The following CHAF1A variants were observed in gnomAD, a reference collection of about 807,000 sequenced individuals.
CHAF1A encodes CAF-1 subunit A.
A neutral mutation model predicts 93.2 loss-of-function variants in CHAF1A; 5 were observed. That is an observed-to-expected ratio of 0.05 (90% CI 0.03 to 0.11). CHAF1A has a LOEUF of 0.11. CHAF1A is among the 10% of genes least tolerant of loss of function. The pLI, the probability that CHAF1A is intolerant of heterozygous loss-of-function variation, is 1.00. For missense variants in CHAF1A, 1,102 were observed against 1,259.9 expected, an observed-to-expected ratio of 0.87 and a Z score of 1.90; for synonymous variants, 504 against 510.3, an observed-to-expected ratio of 0.99 and a Z score of 0.17.
At chr19:4,446,383 C>A, downstream of CHAF1A, 1 of 1,576,656 alleles carries the variant, frequency 6.3e-7, no homozygotes, top group Non-Finnish European at 8.6e-7. Flanking sequence ...CCTTGGTCCG[C>A]AGCACGCTCA....
Position 4,429,483 on chromosome 19 carries a change from G to A in CHAF1A, c.1650G>A (p.Glu550=). 1 of 1,614,074 alleles carries A rather than the reference G, an allele frequency of 6.2e-7. No individual in the cohort carries two copies. Among genetic ancestry groups the A allele is most frequent in the Non-Finnish European group, 8.5e-7 (1 of 1,180,014 alleles). Reference sequence around the variant, plus strand: ...GTGGGAAGGGCGACGGTGTTCCCGAGAGGAGGAAGTTTGGCAGGATGAAGC... The same window carrying A: ...GTGGGAAGGGCGACGGTGTTCCCGAAAGGAGGAAGTTTGGCAGGATGAAGC... ...VERGKGDGVP[E]RRKFGRMKLL... Residue 550 remains glutamate (E), a synonymous_variant, in exon 9 of 15, where the codon GAG becomes GAA. Coordinates refer to ENST00000301280, the MANE Select transcript of CHAF1A (RefSeq NM_005483.3).
chr19:4,445,514 A>G, downstream of CHAF1A: 1 of 1,613,894 alleles, frequency 6.2e-7, no homozygotes, highest in South Asian at 1.1e-5. Context: ...GAGCTTCTCG[A>G]TGGCTGACAG....
At chr19:4,430,132 C>T (rs939215215) in intron 10 of CHAF1A, 45 of 358,000 alleles carry the variant, frequency 1.3e-4, no homozygotes, top group South Asian at 8.7e-4. Context: ...TGCCGATGCT[C>T]ACCGTGTCTG....
chr19:4,446,618 C>T (rs151060057), downstream of CHAF1A: 42 of 1,612,406 alleles, frequency 2.6e-5, no homozygotes, highest in East Asian at 2.9e-4. Flanking sequence ...TCCAGCTTGG[C>T]GCGCACGGGC....
In CHAF1A at chr19:4,422,309, C is replaced by T. The variant is rs558052780; in HGVS notation, c.1018-257C>T. On this transcript the variant is annotated intron_variant, in intron 4 of 14. Transcript: ENST00000301280. The surrounding 1 kb of genome is among the most constrained non-coding windows in gnomAD (Gnocchi z 4.6). ...GATTACAGGCGTGAACCACCGCGCG[C>T]AGCCAATTTTTGTATTTTTAGTAGA... Among the ~76,000 whole-genome samples, 19 of 151,154 alleles carry T rather than the reference C, an allele frequency of 1.3e-4. No homozygotes were observed. The highest frequency in any genetic ancestry group is 8.3e-4 in the South Asian group (4 of 4,794).
chr19:4,431,538 G>T (rs1301106374), intron 11 of CHAF1A, among the ~76,000 whole-genome samples: 1 of 152,146 alleles, frequency 6.6e-6, no homozygotes, highest in Non-Finnish European at 1.5e-5. Context: ...GGAGGCCTAG[G>T]CATTCCTTGT....
At chr19:4,405,138 C>A (rs1424870091) in intron 1 of CHAF1A, among the ~76,000 whole-genome samples, 1 of 152,160 alleles carries the variant, frequency 6.6e-6, no homozygotes, top group East Asian at 1.9e-4. Flanking sequence ...CGGTTACTCT[C>A]TTAGTTGGCT....
intron 8 of CHAF1A, 48 bp downstream of exon 8, chr19:4,428,938 C>A: frequency 6.6e-7 from 1 of 1,524,824 alleles, no homozygotes; most frequent in Non-Finnish European, 9.1e-7. Flanking sequence ...ATGCTGGAGG[C>A]CAGCATCCTG....
chr19:4,422,330 G>A lies in CHAF1A; in HGVS notation c.1018-236G>A, dbSNP rs994386039. Among the ~76,000 whole-genome samples the A allele has an allele frequency of 1.3e-5, 2 of 151,750 alleles. No homozygotes were observed. The highest frequency in any genetic ancestry group is 1.3e-4 in the Admixed American group (2 of 15,250). On this transcript the variant is annotated intron_variant, in intron 4 of 14. Transcript: ENST00000301280. The surrounding 1 kb of genome is among the most constrained non-coding windows in gnomAD (Gnocchi z 4.6). ...CGCGCAGCCAATTTTTGTATTTTTA[G>A]TAGAGACAGGGTTTCACCCTGTTGA...
downstream of CHAF1A, chr19:4,446,448 G>A: frequency 1.3e-6 from 2 of 1,581,218 alleles, no homozygotes; most frequent in Non-Finnish European, 1.7e-6. Context: ...GGGCTGGCCG[G>A]GGTTCTTCCA....
intron 7 of CHAF1A, among the ~76,000 whole-genome samples, chr19:4,424,824 G>A (rs1344661719): frequency 2.6e-5 from 4 of 152,122 alleles, no homozygotes; most frequent in East Asian, 3.8e-4. Flanking sequence ...TAGTATAGAC[G>A]GGGTTTTACC....
chr19:4,442,310 CTG>C lies in CHAF1A; in HGVS notation c.2741_2742del (p.Cys914TyrfsTer63). 6.2e-7 allele frequency: 1 copy of C among 1,609,556 alleles called. No individual in the cohort carries two copies. Among genetic ancestry groups the C allele is most frequent in the Non-Finnish European group, 8.5e-7 (1 of 1,177,672 alleles). On this transcript the variant is annotated frameshift_variant, in exon 14 of 15. Coordinates refer to ENST00000301280, the MANE Select transcript of CHAF1A (RefSeq NM_005483.3). LOFTEE classifies it low-confidence loss of function (END_TRUNC). ...AGGAGGAGGAAGAGGAGGAGGGCGA[CTG>C]TATGATCGTGGATGTCCCGGATGCT... ...TEEEEEEEGD[C>X]MIVDVPDAAE...
chr19:4,424,854 T>C (rs1374620971), intron 7 of CHAF1A, among the ~76,000 whole-genome samples: 1 of 152,212 alleles, frequency 6.6e-6, no homozygotes, highest in Admixed American at 6.5e-5. Context: ...AGGCTGGTCT[T>C]GAACTCCTGA....
Position 4,423,943 on chromosome 19 carries a change from G to A in CHAF1A, c.1377+69G>A, listed in dbSNP as rs565939773. On this transcript the variant is annotated intron_variant, in intron 7 of 14. Coordinates refer to ENST00000301280, the MANE Select transcript of CHAF1A (RefSeq NM_005483.3). ...GACTTTTCCTTTCTGAAAGTGAAAG[G>A]GTCTCTCCCCAGCCAGCTTCTCTCA... 2.6e-4 allele frequency: 374 copies of A among 1,444,526 alleles called. 3 individuals carry two copies. The African/African-American group carries it at 4.5e-3, about 17-fold the overall frequency. The allele number at this position is 1,444,526 out of a possible 1,614,324, so 89.5% of individuals were successfully genotyped here.
At chr19:4,403,418 C>A (rs1973623052) in intron 1 of CHAF1A, among the ~76,000 whole-genome samples, 1 of 152,200 alleles carries the variant, frequency 6.6e-6, no homozygotes, top group African/African-American at 2.4e-5. Context: ...GGAGGGTGAA[C>A]CAAGGAAGAC....
Position 4,409,432 on chromosome 19 carries a change from G to C in CHAF1A, c.633G>C (p.Thr211=). Residue 211 remains threonine (T), a synonymous_variant, in exon 3 of 15, where the codon ACG becomes ACC. Transcript: ENST00000301280. ...ECSPRSCPEL[T]SGPRMCPRKE... is the part of the protein sequence containing the mutation. The stretch of plus-strand genomic sequence containing the variant: ...CGCCACGGAGCTGCCCGGAGCTGAC[G>C]AGTGGCCCGAGAATGTGCCCCAGAA... 1 of 1,614,114 alleles carries C rather than the reference G, an allele frequency of 6.2e-7. No homozygotes were observed. Among genetic ancestry groups the C allele is most frequent in the Non-Finnish European group, 8.5e-7 (1 of 1,180,012 alleles).
chr19:4,416,805 C>T (rs1006998635), intron 3 of CHAF1A, among the ~76,000 whole-genome samples: 14 of 152,090 alleles, frequency 9.2e-5, no homozygotes, highest in Admixed American at 2.0e-4. Flanking sequence ...GCAGGAGAAT[C>T]GCTTGAACTT....
chr19:4,443,212 T>A lies in CHAF1A; in HGVS notation c.*187T>A. 1.6e-6 allele frequency: 1 copy of A among 612,716 alleles called. No individual in the cohort carries two copies. The highest frequency in any genetic ancestry group is 3.0e-6 in the Non-Finnish European group (1 of 334,782). 38.0% of individuals were successfully genotyped at this position (612,716 alleles called of 1,614,324 possible). On this transcript the variant is annotated 3_prime_UTR_variant, in exon 15 of 15. Coordinates refer to ENST00000301280, the MANE Select transcript of CHAF1A (RefSeq NM_005483.3). ...TGTAAAAATTCCCCCAAGAGCCGCA[T>A]ATGAATCTGCCCTTTAATAAAGCAT...
At position 4,422,148 on chromosome 19, in the gene CHAF1A, T is replaced by C. The variant is rs1331821188; in HGVS notation, c.1018-418T>C. ...CCTCAGCCTCCCCAGTAGCTGGGAT[T>C]ACAGGCGCCCACCATGCCTGGCTAG... is the stretch of plus-strand genomic sequence containing the variant. On this transcript the variant is annotated intron_variant, in intron 4 of 14. Transcript: ENST00000301280. The surrounding 1 kb of genome is among the most constrained non-coding windows in gnomAD (Gnocchi z 4.6). Among the ~76,000 whole-genome samples the C allele has an allele frequency of 2.6e-5, 4 of 152,110 alleles. No individual in the cohort carries two copies. Among genetic ancestry groups the C allele is most frequent in the South Asian group, 4.1e-4 (2 of 4,822 alleles).
Sources: gnomAD v4.1 joint callset for allele counts (sites outside exome capture counted in the v4.1 genomes callset) on GRCh38, gnomAD v4.1.1 for gene constraint, Gnocchi (gnomAD v3.1) non-coding constraint, MANE v1.5 for transcripts, NCBI Gene and HGNC (gene_info 2026-07-23, HGNC 2026-07-21) for gene names.